The following AFDN variants were observed in gnomAD, a reference collection of about 807,000 sequenced individuals.
The protein encoded by AFDN is afadin, adherens junction formation factor, also known as afadin.
AFDN carries 68 observed loss-of-function variants against 216.6 expected under a neutral mutation model. That is an observed-to-expected ratio of 0.31 (90% CI 0.26 to 0.38). The LOEUF (loss-of-function observed/expected upper bound fraction) is 0.38. Among genes scored for constraint, AFDN ranks in the 10% least tolerant of loss-of-function variants. The pLI is 1.00. For synonymous variants in AFDN, 868 were observed against 853.7 expected (o/e 1.02, Z -0.29); for missense variants, 2,136 against 2,342.0 (o/e 0.91, Z 1.82).
intron 23 of AFDN, among the ~76,000 whole-genome samples, chr6:167,928,603 C>T (rs1022454454): frequency 2.6e-5 from 4 of 152,210 alleles, no homozygotes; most frequent in African/African-American, 7.2e-5. Flanking sequence ...TCAGCTCAGA[C>T]GCTCAGGCAC....
At position 167,913,404 on chromosome 6, in the gene AFDN, A is replaced by T. The variant is rs887835764; in HGVS notation, c.2039A>T (p.Glu680Val). The change falls in exon 16 of 34, where the codon GAA becomes GTA. Residue 680 changes from glutamate to valine, a missense_variant and splice_region_variant. Physicochemically the swap from Glu to Val is moderately radical, Grantham distance 121. Transcript: ENST00000683244. ...MVSMMEGVIQ[E>V]VDQVDQKQKN... is the part of the protein sequence containing the mutation. The stretch of plus-strand genomic sequence containing the variant: ...TTCCCCTCGTCTGTTTTTCTCCAGG[A>T]AGTAGACCAGGTTGACCAGGTAGGA... 1.0e-5 allele frequency: 16 copies of T among 1,535,748 alleles called. No homozygotes were observed. The highest frequency in any genetic ancestry group is 1.4e-5 in the African/African-American group (1 of 72,972).
At chr6:167,859,261 T>C (rs1194825424) in intron 1 of AFDN, among the ~76,000 whole-genome samples, 3 of 152,216 alleles carry the variant, frequency 2.0e-5, no homozygotes, top group Non-Finnish European at 2.9e-5. Context: ...CCTAAAGCTG[T>C]TAACACCTTA....
intron 1 of AFDN, 48 bp downstream of exon 1, chr6:167,827,285 C>T (rs1427130918): frequency 2.0e-4 from 169 of 832,410 alleles, no homozygotes; most frequent in Non-Finnish European, 2.4e-4. Context: ...CCCGCTGCGC[C>T]GCGCCCCGCC....
intron 30 of AFDN, chr6:167,954,411 T>TC (rs1157670277): frequency 6.5e-7 from 1 of 1,540,544 alleles, no homozygotes; most frequent in African/African-American, 1.4e-5. Flanking sequence ...AACTTTTTTT[T>TC]CCACACTTCA....
rs137929083 is a variant in AFDN, at chr6:167,887,147, C to T, written c.898-2068C>T. Reference sequence around the variant, plus strand: ...AATAATAAACTGTTCTATAAAATTGCATCTGATAAACTTTTTAACATCTTT... The same window carrying T: ...AATAATAAACTGTTCTATAAAATTGTATCTGATAAACTTTTTAACATCTTT... On this transcript the variant is annotated intron_variant, in intron 6 of 33. Transcript: ENST00000683244. Among the ~76,000 whole-genome samples the T allele has an allele frequency of 5.3e-5, 8 of 151,868 alleles. No homozygotes were observed. In the East Asian group the frequency reaches 1.4e-3, roughly 26 times the overall value.
At chr6:167,868,556 A>C (rs1784444509) in intron 2 of AFDN, among the ~76,000 whole-genome samples, 1 of 152,140 alleles carries the variant, frequency 6.6e-6, no homozygotes, top group Non-Finnish European at 1.5e-5. Context: ...GATTATGAAG[A>C]GCACTTTGAG....
chr6:167,889,428 G>GTTAAT lies in AFDN; in HGVS notation c.1009+102_1009+103insTTAAT. ...AGGAGATGTGTACGTTAATGTTTTT[G>GTTAAT]GATGGCCTTGTTGTTGTTGTTGTTG... is the stretch of plus-strand genomic sequence containing the variant. On this transcript the variant is annotated intron_variant, in intron 7 of 33. Coordinates refer to ENST00000683244, the MANE Select transcript of AFDN (RefSeq NM_001386888.1). The GTTAAT allele has an allele frequency of 4.9e-6, 4 of 818,900 alleles. No homozygotes were observed. The East Asian group carries it at 1.0e-4, about 21-fold the overall frequency. The allele number at this position is 818,900 out of a possible 1,614,324, so 50.7% of individuals were successfully genotyped here.
chr6:167,957,046 AGCCT>A (rs1002072300), intron 30 of AFDN, among the ~76,000 whole-genome samples: 6 of 151,940 alleles, frequency 3.9e-5, no homozygotes, highest in Admixed American at 6.6e-5. Context: ...CTGGCCCTCC[AGCCT>A]GCCTGCCTGC....
chr6:167,948,324 A>T lies in AFDN; in HGVS notation c.3677A>T (p.Tyr1226Phe). The T allele has an allele frequency of 1.9e-6, 3 of 1,613,968 alleles. No individual in the cohort carries two copies. The highest frequency in any genetic ancestry group is 2.5e-6 in the Non-Finnish European group (3 of 1,179,944). ...EQTPPPRPEA[Y>F]PIPTQTYTRE... is the part of the protein sequence containing the mutation. Reference sequence around the variant, plus strand: ...ACGCCTCCGCCTAGACCTGAAGCCTACCCCATCCCCACTCAGACGTACACC... The same window carrying T: ...ACGCCTCCGCCTAGACCTGAAGCCTTCCCCATCCCCACTCAGACGTACACC... Residue 1226 changes from tyrosine (Y) to phenylalanine (F), a missense_variant, in exon 29 of 34, where the codon TAC (tyrosine) becomes TTC (phenylalanine). Tyr to Phe is a conservative substitution (Grantham distance 22). Transcript: ENST00000683244.
chr6:167,950,005 T>G (rs1409020519), intron 29 of AFDN, among the ~76,000 whole-genome samples: 1 of 152,174 alleles, frequency 6.6e-6, no homozygotes, highest in African/African-American at 2.4e-5. Context: ...AGCAGAGAAG[T>G]GACTCAGGTC....
At chr6:167,844,114 G>A (rs1380441413) in intron 1 of AFDN, among the ~76,000 whole-genome samples, 1 of 151,826 alleles carries the variant, frequency 6.6e-6, no homozygotes, top group East Asian at 1.9e-4. Context: ...TCCAGACATA[G>A]CCACTGTAAG....
intron 6 of AFDN, among the ~76,000 whole-genome samples, chr6:167,888,555 G>A (rs1017318120): frequency 6.6e-6 from 1 of 152,008 alleles, no homozygotes; most frequent in Non-Finnish European, 1.5e-5. Context: ...GTGTTTTGGG[G>A]GCTTTCTTAG....
rs566885420 is a variant in AFDN, at chr6:167,859,798, T to G, written c.106-4753T>G. Among the ~76,000 whole-genome samples, 241 of 151,750 alleles carry G rather than the reference T, an allele frequency of 1.6e-3. 1 individual carries two copies. The highest frequency in any genetic ancestry group is 5.5e-3 in the African/African-American group (227 of 41,502). On this transcript the variant is annotated intron_variant, in intron 1 of 33. Transcript: ENST00000683244. ...TTATTGTTGTTTTTTTTTTTTTAGTTTTGGATCATTGTATTCTTTTGATAA... is the reference window on the plus strand; with the variant it reads ...TTATTGTTGTTTTTTTTTTTTTAGTGTTGGATCATTGTATTCTTTTGATAA...
At chr6:167,847,101 C>T (rs992844507) in intron 1 of AFDN, among the ~76,000 whole-genome samples, 1 of 152,166 alleles carries the variant, frequency 6.6e-6, no homozygotes, top group Non-Finnish European at 1.5e-5. Flanking sequence ...AAACCACTCT[C>T]CTCAAAGTCA....
chr6:167,940,767 G>A (rs71573429), intron 23 of AFDN, among the ~76,000 whole-genome samples: 27 of 12,382 alleles, frequency 2.2e-3, no homozygotes, highest in Non-Finnish European at 2.4e-3. Context: ...CAGGAGACGT[G>A]TGGACAGACA....
chr6:167,899,572 C>T (rs190699948), intron 11 of AFDN, among the ~76,000 whole-genome samples: 2 of 152,278 alleles, frequency 1.3e-5, no homozygotes, highest in African/African-American at 2.4e-5. Context: ...CCTTCAGTAG[C>T]GAGTCATGAT....
intron 1 of AFDN, among the ~76,000 whole-genome samples, chr6:167,861,364 AT>A (rs2128219423): frequency 1.3e-5 from 2 of 152,298 alleles, no homozygotes; most frequent in South Asian, 4.1e-4. Context: ...CATAGGCTTT[AT>A]TTAGGCTTGG....
intron 1 of AFDN, among the ~76,000 whole-genome samples, chr6:167,862,991 A>G (rs559332610): frequency 1.3e-5 from 2 of 152,334 alleles, no homozygotes; most frequent in Admixed American, 1.3e-4. Context: ...CAAGCACTAT[A>G]AAGTTTCAGG....
intron 15 of AFDN, chr6:167,911,838 C>T (rs1370247035): frequency 1.6e-5 from 5 of 305,976 alleles, no homozygotes; most frequent in Non-Finnish European, 2.5e-5. Flanking sequence ...ACAATTCAGT[C>T]GCATTTGGTG....
Sources: allele counts gnomAD v4.1 joint callset (sites outside exome capture counted in the v4.1 genomes callset), GRCh38; gene constraint gnomAD v4.1.1; transcripts MANE v1.5; gene names NCBI Gene and HGNC (gene_info 2026-07-23, HGNC 2026-07-21).